Variants in CAMK1D observed in about 807,000 individuals in gnomAD.
CAMK1D encodes the protein calcium/calmodulin dependent protein kinase ID, also known as calcium/calmodulin-dependent protein kinase type 1D.
CAMK1D carries 9 observed loss-of-function variants against 47.7 expected under a neutral mutation model. The observed-to-expected ratio is 0.19, with a 90% CI of 0.11 to 0.33. The LOEUF (loss-of-function observed/expected upper bound fraction) is 0.33, where lower values mean the gene tolerates loss of function less well. Ranked by LOEUF, CAMK1D falls within the 10% of genes least tolerant of loss-of-function variation. The pLI is 1.00. For missense variants in CAMK1D, 291 were observed against 488.7 expected (o/e 0.60, Z 3.81); for synonymous variants, 184 against 184.9 (o/e 0.99, Z 0.04).
chr10:12,682,813 A>G (rs4520494), intron 3 of CAMK1D, among the ~76,000 whole-genome samples: 49,749 of 151,818 alleles, frequency 0.33, 8,429 homozygotes, highest in South Asian at 0.51. Context: ...TGCTTATGTT[A>G]TTTTCTGATA....
chr10:12,363,331 T>A (rs1431377678), intron 1 of CAMK1D, among the ~76,000 whole-genome samples: 1 of 152,026 alleles, frequency 6.6e-6, no homozygotes, highest in Non-Finnish European at 1.5e-5. Context: ...CTCGGCCCAC[T>A]GCTACCTCCT....
intron 1 of CAMK1D, among the ~76,000 whole-genome samples, chr10:12,423,003 T>C (rs1248216405): frequency 6.6e-6 from 1 of 152,172 alleles, no homozygotes; most frequent in African/African-American, 2.4e-5. Context: ...TAATAATTTA[T>C]ACACTATGAC....
Position 12,816,317 on chromosome 10 carries a change from T to C in CAMK1D, c.822T>C (p.Ala274=). ...AAAGATACACGTGTGAGCAGGCAGC[T>C]CGGCACCCATGGTAAGGAAATGCAC... ...PNKRYTCEQA[A]RHPWIAGDTA... The change falls in exon 8 of 11, where the codon GCT becomes GCC. Residue 274 remains alanine (A), a synonymous_variant. Coordinates refer to ENST00000619168, the MANE Select transcript of CAMK1D (RefSeq NM_153498.4). 6.2e-7 allele frequency: 1 copy of C among 1,613,214 alleles called. No individual in the cohort carries two copies.
intron 3 of CAMK1D, among the ~76,000 whole-genome samples, chr10:12,704,239 T>C (rs1462673434): frequency 6.6e-6 from 1 of 151,974 alleles, no homozygotes; most frequent in Non-Finnish European, 1.5e-5. Context: ...AAGTAGAATA[T>C]TGTTTATGTA....
chr10:12,693,905 A>C (rs1248421634), intron 3 of CAMK1D, among the ~76,000 whole-genome samples: 1 of 112,706 alleles, frequency 8.9e-6, no homozygotes, highest in East Asian at 2.2e-4. Flanking sequence ...TAAAATATAT[A>C]TATAATATAT....
chr10:12,584,622 C>T (rs1837761996), intron 2 of CAMK1D, among the ~76,000 whole-genome samples: 1 of 152,034 alleles, frequency 6.6e-6, no homozygotes, highest in Non-Finnish European at 1.5e-5. Context: ...GAGTTTGAGA[C>T]CAGCCTGGGC....
chr10:12,735,210 C>T (rs1388153105), intron 3 of CAMK1D, among the ~76,000 whole-genome samples: 3 of 152,232 alleles, frequency 2.0e-5, no homozygotes, highest in East Asian at 3.9e-4. Context: ...GGCGCGGTGG[C>T]TCACGCCTGT....
intron 1 of CAMK1D, among the ~76,000 whole-genome samples, chr10:12,470,495 GCTT>G (rs1046904274): frequency 1.3e-4 from 19 of 151,266 alleles, no homozygotes; most frequent in African/African-American, 3.4e-4. Context: ...TACTGTGTAT[GCTT>G]CTTCTTCTTC....
chr10:12,772,453 C>A (rs1029118080), intron 5 of CAMK1D, among the ~76,000 whole-genome samples: 1 of 152,170 alleles, frequency 6.6e-6, no homozygotes, highest in Non-Finnish European at 1.5e-5. Flanking sequence ...GCTCTGACAA[C>A]CAGTGACGGC....
At chr10:12,432,919 T>C (rs1832530064) in intron 1 of CAMK1D, among the ~76,000 whole-genome samples, 1 of 152,170 alleles carries the variant, frequency 6.6e-6, no homozygotes, top group Non-Finnish European at 1.5e-5. Flanking sequence ...GGATGACCCT[T>C]TGGGAGAGTC....
At chr10:12,439,090 A>G (rs35926372) in intron 1 of CAMK1D, among the ~76,000 whole-genome samples, 21 of 152,226 alleles carry the variant, frequency 1.4e-4, no homozygotes, top group Non-Finnish European at 2.5e-4. Context: ...TAGGACAGAC[A>G]TCAGGCACTA....
intron 2 of CAMK1D, among the ~76,000 whole-genome samples, chr10:12,586,246 C>G (rs949641811): frequency 6.6e-6 from 1 of 151,960 alleles, no homozygotes; most frequent in Non-Finnish European, 1.5e-5. Flanking sequence ...CAGTCTAACA[C>G]AAAACTATAG....
At chr10:12,464,224 A>G (rs868458064) in intron 1 of CAMK1D, among the ~76,000 whole-genome samples, 7 of 152,200 alleles carry the variant, frequency 4.6e-5, no homozygotes, top group South Asian at 2.1e-4. Context: ...TAGGTAAGAA[A>G]TTAAATGGGA....
chr10:12,650,085 C>T (rs1162910995), intron 2 of CAMK1D, among the ~76,000 whole-genome samples: 1 of 152,200 alleles, frequency 6.6e-6, no homozygotes, highest in African/African-American at 2.4e-5. Flanking sequence ...GCACAGGTGA[C>T]CTTGGTGACA....
intron 1 of CAMK1D, among the ~76,000 whole-genome samples, chr10:12,452,711 G>C (rs1020079215): frequency 6.6e-6 from 1 of 151,712 alleles, no homozygotes; most frequent in Non-Finnish European, 1.5e-5. Context: ...TCAGCCTCCC[G>C]AGTAGTTGGG....
At chr10:12,359,765 A>T (rs964668223) in intron 1 of CAMK1D, among the ~76,000 whole-genome samples, 1 of 152,232 alleles carries the variant, frequency 6.6e-6, no homozygotes, top group Non-Finnish European at 1.5e-5. Flanking sequence ...TACAGTGTCT[A>T]ACCATCATGA....
At chr10:12,362,933 C>A (rs1331265743) in intron 1 of CAMK1D, among the ~76,000 whole-genome samples, 5 of 148,942 alleles carry the variant, frequency 3.4e-5, no homozygotes, top group African/African-American at 1.2e-4. Context: ...CGTGAGCCAC[C>A]CCGCCCGGCC....
rs372648061 is a variant in CAMK1D, at chr10:12,692,160, A to G, written c.299+25350A>G. Among the ~76,000 whole-genome samples the G allele has an allele frequency of 1.4e-4, 21 of 152,320 alleles. 1 individual carries two copies. The South Asian group carries it at 4.3e-3, about 32-fold the overall frequency. On this transcript the variant is annotated intron_variant, in intron 3 of 10. Coordinates refer to ENST00000619168, the MANE Select transcript of CAMK1D (RefSeq NM_153498.4). ...ATTAAGAGCACTTGTTTGATTTCACACAGCAGGCATTGGATGGCGCCTTCA... is the reference window on the plus strand; with the variant it reads ...ATTAAGAGCACTTGTTTGATTTCACGCAGCAGGCATTGGATGGCGCCTTCA...
At chr10:12,387,364 A>T (rs1248415272) in intron 1 of CAMK1D, among the ~76,000 whole-genome samples, 79 of 69,674 alleles carry the variant, frequency 1.1e-3, no homozygotes, top group African/African-American at 2.6e-3. Context: ...TTATATATAT[A>T]ATATATATAT....
Sources: gnomAD v4.1 joint callset for allele counts (sites outside exome capture counted in the v4.1 genomes callset) on GRCh38, gnomAD v4.1.1 for gene constraint, MANE v1.5 for transcripts, NCBI Gene and HGNC (gene_info 2026-07-23, HGNC 2026-07-21) for gene names.